PLA2G4C: variants seen among roughly 807,000 people sequenced by gnomAD.
The protein encoded by PLA2G4C is phospholipase A2 group IVC.
A neutral mutation model predicts 73.8 loss-of-function variants in PLA2G4C; 64 were observed. That is an observed-to-expected ratio of 0.87 (90% CI 0.71 to 1.07). PLA2G4C has a LOEUF of 1.07. PLA2G4C is among the 50% of genes least tolerant of loss of function. The pLI is 0.00. For synonymous variants in PLA2G4C, 254 were observed against 252.1 expected, an observed-to-expected ratio of 1.01 and a Z score of -0.07; for missense variants, 622 against 665.4, an observed-to-expected ratio of 0.93 and a Z score of 0.72.
chr19:48,083,793 C>T (rs2030801364), intron 10 of PLA2G4C, among the ~76,000 whole-genome samples: 1 of 151,826 alleles, frequency 6.6e-6, no homozygotes, highest in African/African-American at 2.4e-5. Context: ...ATTTAAGCAG[C>T]TTTCTAGGGT....
chr19:48,074,901 A>T (rs751088482), intron 11 of PLA2G4C, 27 bp from the exon 12 acceptor site: 3 of 1,460,590 alleles, frequency 2.1e-6, no homozygotes, highest in Non-Finnish European at 2.8e-6. Context: ...AGGTGGTCTC[A>T]GACACTGTCC....
chr19:48,107,127 G>A (rs1420992648), intron 1 of PLA2G4C, among the ~76,000 whole-genome samples: 1 of 151,968 alleles, frequency 6.6e-6, no homozygotes, highest in Non-Finnish European at 1.5e-5. Flanking sequence ...TTACAGGCAC[G>A]AGCCACCGCG....
At chr19:48,062,419 G>A (rs1379706983) in intron 13 of PLA2G4C, among the ~76,000 whole-genome samples, 1 of 152,042 alleles carries the variant, frequency 6.6e-6, no homozygotes, top group African/African-American at 2.4e-5. Context: ...AGATCAGCCT[G>A]GCCAACACAG....
Position 48,110,490 on chromosome 19 carries a change from A to C in PLA2G4C, c.-36T>G. On this transcript the variant is annotated 5_prime_UTR_variant, in exon 1 of 17. Transcript: ENST00000599921. ...CCTCCCTGCCCCCACGGCTTGCCTG[A>C]GCCTGGGTCTGGGGCGTGTGCGCAT... The C allele has an allele frequency of 1.5e-6, 2 of 1,314,082 alleles. No individual in the cohort carries two copies. The highest frequency in any genetic ancestry group is 2.2e-4 in the Middle Eastern group (1 of 4,550). The allele number at this position is 1,314,082 out of a possible 1,614,324, so 81.4% of individuals were successfully genotyped here. A position where few individuals can be genotyped will look rare whatever the true frequency, so the allele number is the denominator to read the frequency against.
chr19:48,085,322 T>C (rs2030909828), intron 9 of PLA2G4C, among the ~76,000 whole-genome samples: 1 of 152,152 alleles, frequency 6.6e-6, no homozygotes, highest in Non-Finnish European at 1.5e-5. Flanking sequence ...ACAAGACAGA[T>C]TTGTCCTCAG....
chr19:48,069,850 C>A (rs1385401115), intron 12 of PLA2G4C, among the ~76,000 whole-genome samples: 1 of 152,092 alleles, frequency 6.6e-6, no homozygotes, highest in African/African-American at 2.4e-5. Context: ...CTGCAACCTC[C>A]GCCTCCTGCG....
Position 48,110,469 on chromosome 19 carries a change from CCTGCCCCCACGG to C in PLA2G4C, c.-33+6_-33+17del, listed in dbSNP as rs1276276076. The C allele has an allele frequency of 1.6e-5, 23 of 1,395,906 alleles. No homozygotes were observed. Among genetic ancestry groups the C allele is most frequent in the Non-Finnish European group, 2.1e-5 (23 of 1,096,832 alleles). The allele number at this position is 1,395,906 out of a possible 1,614,324, so 86.5% of individuals were successfully genotyped here. On this transcript the variant is annotated splice_donor_region_variant and intron_variant, in intron 1 of 16. Coordinates refer to ENST00000599921, the MANE Select transcript of PLA2G4C (RefSeq NM_003706.3). ...GCCCCAGCGGGATGAAACAGCCCTC[CCTGCCCCCACGG>C]CTTGCCTGAGCCTGGGTCTGGGGCG...
At chr19:48,110,444 G>T in intron 1 of PLA2G4C, 43 bp downstream of exon 1, 4 of 1,377,100 alleles carry the variant, frequency 2.9e-6, no homozygotes, top group South Asian at 1.5e-5. Context: ...GGTTATGGCC[G>T]CCCCAGCGGG....
At chr19:48,108,144 G>C (rs748945766) in intron 1 of PLA2G4C, among the ~76,000 whole-genome samples, 1 of 151,986 alleles carries the variant, frequency 6.6e-6, no homozygotes, top group Non-Finnish European at 1.5e-5. Flanking sequence ...TCTCGTCTCC[G>C]CACATGGGGA....
At chr19:48,081,816 C>T (rs932873949) in intron 10 of PLA2G4C, among the ~76,000 whole-genome samples, 3 of 137,080 alleles carry the variant, frequency 2.2e-5, no homozygotes, top group African/African-American at 7.5e-5. Flanking sequence ...TGTGGTGGCT[C>T]ATGCCTGTAA....
At chr19:48,101,232 C>A (rs191128850) in intron 4 of PLA2G4C, among the ~76,000 whole-genome samples, 236 of 150,344 alleles carry the variant, frequency 1.6e-3, no homozygotes, top group Non-Finnish European at 2.5e-3. Flanking sequence ...TCAAATGATC[C>A]TCCCACCTCA....
chr19:48,101,737 C>T (rs191643405), intron 4 of PLA2G4C, among the ~76,000 whole-genome samples: 1 of 141,178 alleles, frequency 7.1e-6, no homozygotes, highest in South Asian at 2.3e-4. Context: ...TACAGTGGTT[C>T]GAGCTCGGCT....
intron 8 of PLA2G4C, among the ~76,000 whole-genome samples, chr19:48,088,916 A>T (rs528516530): frequency 5.6e-4 from 85 of 152,312 alleles, no homozygotes; most frequent in Non-Finnish European, 1.1e-3. Context: ...GGTAGCCTGA[A>T]GTTGGCCACG....
chr19:48,074,216 T>C (rs1421938368), intron 12 of PLA2G4C, among the ~76,000 whole-genome samples: 1 of 152,074 alleles, frequency 6.6e-6, no homozygotes, highest in Non-Finnish European at 1.5e-5. Context: ...CTCCCACTTA[T>C]AAGTGAGAAC....
intron 4 of PLA2G4C, among the ~76,000 whole-genome samples, chr19:48,100,956 G>T (rs1218736078): frequency 6.8e-6 from 1 of 147,946 alleles, no homozygotes; most frequent in African/African-American, 2.5e-5. Context: ...ATATTCATTT[G>T]TTCACTCAAT....
chr19:48,082,647 C>T (rs1446028920), intron 10 of PLA2G4C, among the ~76,000 whole-genome samples: 7 of 150,656 alleles, frequency 4.6e-5, no homozygotes, highest in Non-Finnish European at 8.9e-5. Context: ...TACAGGCGCC[C>T]GCCACCATGC....
chr19:48,093,041 G>A (rs1425539080), intron 7 of PLA2G4C, among the ~76,000 whole-genome samples: 1 of 152,084 alleles, frequency 6.6e-6, no homozygotes, highest in African/African-American at 2.4e-5. Flanking sequence ...TAATGTTATA[G>A]GGAGTACCTG....
chr19:48,107,877 A>G (rs529379174), intron 1 of PLA2G4C, among the ~76,000 whole-genome samples: 2 of 152,366 alleles, frequency 1.3e-5, no homozygotes, highest in South Asian at 4.1e-4. Flanking sequence ...AAATAATGAC[A>G]TAAGCTATCC....
At chr19:48,067,631 A>T (rs1600180655) in intron 13 of PLA2G4C, among the ~76,000 whole-genome samples, 160 bp downstream of exon 13, 1 of 152,146 alleles carries the variant, frequency 6.6e-6, no homozygotes, top group African/African-American at 2.4e-5. Context: ...CCACTGAGCG[A>T]AAGTTCCCCT....
Sources: gnomAD v4.1 joint callset for allele counts (sites outside exome capture counted in the v4.1 genomes callset) on GRCh38, gnomAD v4.1.1 for gene constraint, MANE v1.5 for transcripts, NCBI Gene and HGNC (gene_info 2026-07-23, HGNC 2026-07-21) for gene names.